The following APOL1 variants were observed in gnomAD, a reference collection of about 807,000 sequenced individuals.
APOL1 encodes the protein apolipoprotein L1.
Under a neutral mutation model 14.9 loss-of-function variants are expected in APOL1, and 17 were observed. That is an observed-to-expected ratio of 1.14 (90% CI 0.78 to 1.71). The LOEUF (loss-of-function observed/expected upper bound fraction) is 1.71. Among genes scored for constraint, APOL1 ranks in the 40% most tolerant of loss-of-function variants. APOL1 has a pLI of 0.00. For missense variants in APOL1, 523 were observed against 485.9 expected (o/e 1.08, Z -0.72); for synonymous variants, 195 against 184.8 (o/e 1.05, Z -0.45).
Position 36,257,313 on chromosome 22 carries a change from C to T in APOL1, c.99-6C>T. The T allele has an allele frequency of 6.2e-7, 1 of 1,614,036 alleles. No individual in the cohort carries two copies. On this transcript the variant is annotated splice_polypyrimidine_tract_variant and splice_region_variant and intron_variant, in intron 3 of 5. Transcript: ENST00000397278. Reference sequence around the variant, plus strand: ...TGATCCCACAATTTGTTTTCTCCTCCTCAAGGGTGCAACAAAACGTTCCAA... The same window carrying T: ...TGATCCCACAATTTGTTTTCTCCTCTTCAAGGGTGCAACAAAACGTTCCAA...
chr22:36,255,583 T>C (rs2015847080), intron 2 of APOL1, among the ~76,000 whole-genome samples: 1 of 149,668 alleles, frequency 6.7e-6, no homozygotes, highest in Admixed American at 6.7e-5. Context: ...CAAACATCTG[T>C]GTGTCTGAAC....
chr22:36,264,179 G>A (rs549893687), intron 5 of APOL1, among the ~76,000 whole-genome samples: 3 of 152,258 alleles, frequency 2.0e-5, no homozygotes, highest in East Asian at 1.9e-4. Context: ...GTATCTGCTG[G>A]GGCTGGATCA....
chr22:36,255,872 A>G (rs972183369), intron 2 of APOL1, among the ~76,000 whole-genome samples: 2 of 150,674 alleles, frequency 1.3e-5, no homozygotes, highest in Non-Finnish European at 3.0e-5. Flanking sequence ...ATTATTAGTC[A>G]TTTTCATCTT....
chr22:36,260,294 C>T (rs566150518), intron 4 of APOL1, among the ~76,000 whole-genome samples: 1 of 152,246 alleles, frequency 6.6e-6, no homozygotes, highest in East Asian at 1.9e-4. Flanking sequence ...ACTCAGGAGG[C>T]TGAGGCAGGA....
At chr22:36,257,490 A>G (rs974832396) in intron 4 of APOL1, 83 bp downstream of exon 4, 18 of 1,365,022 alleles carry the variant, frequency 1.3e-5, no homozygotes, top group Non-Finnish European at 1.9e-5. Flanking sequence ...TGAGCCCCAG[A>G]AGAACCCGGA....
At chr22:36,255,475 C>G (rs1419171577) in intron 2 of APOL1, among the ~76,000 whole-genome samples, 1 of 152,154 alleles carries the variant, frequency 6.6e-6, no homozygotes, top group Non-Finnish European at 1.5e-5. Flanking sequence ...TCCCTTACAG[C>G]AAGAAGGGCC....
chr22:36,253,708 G>C, intron 1 of APOL1: 1 of 550,904 alleles, frequency 1.8e-6, no homozygotes, highest in Non-Finnish European at 3.3e-6. Context: ...GCACCAACTT[G>C]TGCCAGGCCC....
At chr22:36,257,898 C>T (rs575859419) in intron 4 of APOL1, among the ~76,000 whole-genome samples, 3 of 152,196 alleles carry the variant, frequency 2.0e-5, no homozygotes, top group East Asian at 1.9e-4. Context: ...GGGAATGTAT[C>T]GGGCCTGATT....
chr22:36,265,377 T>C lies in APOL1; in HGVS notation c.541T>C (p.Ser181Pro). The part of the protein sequence containing the change: ...GTTIANVVSG[S>P]LSISSGILTL... ...CACCATCGCCAATGTGGTGTCTGGC[T>C]CTCTCAGCATTTCCTCTGGCATCCT... The change falls in exon 6 of 6, where the codon TCT becomes CCT. Residue 181 changes from serine to proline, a missense_variant. Ser to Pro is a moderately conservative substitution (Grantham distance 74, BLOSUM62 -1). Coordinates refer to ENST00000397278, the MANE Select transcript of APOL1 (RefSeq NM_003661.4). 3 of 1,612,874 alleles carry C rather than the reference T, an allele frequency of 1.9e-6. No homozygotes were observed. Among genetic ancestry groups the C allele is most frequent in the Non-Finnish European group, 2.5e-6 (3 of 1,179,244 alleles).
intron 2 of APOL1, 145 bp downstream of exon 2, chr22:36,255,144 C>T (rs891236057): frequency 7.6e-5 from 79 of 1,042,024 alleles, no homozygotes; most frequent in Admixed American, 2.4e-4. Context: ...CCGGCAGACT[C>T]GCCCAGGGAG....
In APOL1 at chr22:36,255,025, C is replaced by T. The variant is rs199758040; in HGVS notation, c.44+26C>T. The stretch of plus-strand genomic sequence containing the variant: ...GTGAGCTTGGCTCAGAGCCCTGAGG[C>T]GGGAGGGAGGGCTCCCTGTCTGGGC... On this transcript the variant is annotated intron_variant, in intron 2 of 5. Transcript: ENST00000397278. 1,354 of 1,588,888 alleles carry T rather than the reference C, an allele frequency of 8.5e-4. 13 individuals are homozygous for T. The highest frequency in any genetic ancestry group is 6.9e-3 in the African/African-American group (505 of 73,468).
At position 36,264,038 on chromosome 22, in the gene APOL1, A is replaced by G. The variant is rs561143918; in HGVS notation, c.315-1113A>G. On this transcript the variant is annotated intron_variant, in intron 5 of 5. Coordinates refer to ENST00000397278, the MANE Select transcript of APOL1 (RefSeq NM_003661.4). ...AGATTCTTGCTGAGCTGGGTGGTGC[A>G]GGTCCAGCAAGCAGTGGGTGGCTGT... 4.6e-5 allele frequency among the ~76,000 whole-genome samples: 7 copies of G among 152,302 alleles called. No individual in the cohort carries two copies. The South Asian group carries it at 1.4e-3, about 32-fold the overall frequency.
In APOL1 at chr22:36,257,089, T is replaced by G. The variant is rs146915099; in HGVS notation, c.51T>G (p.Ser17Arg). 5 of 1,613,964 alleles carry G rather than the reference T, an allele frequency of 3.1e-6. No homozygotes were observed. Residue 17 changes from serine (S) to arginine (R), a missense_variant, in exon 3 of 6, where the codon AGT becomes AGG. Ser to Arg is a moderately radical substitution (Grantham distance 110, BLOSUM62 -1). Transcript: ENST00000397278. Reference sequence around the variant, plus strand: ...TCTCCTCATACCCCAACAGGATGAGTGCACTTTTCCTTGGTGTGGGAGTGA... The same window carrying G: ...TCTCCTCATACCCCAACAGGATGAGGGCACTTTTCCTTGGTGTGGGAGTGA... ...LRVSVLCIWM[S>R]ALFLGVGVRA...
At chr22:36,259,484 C>T (rs537655246) in intron 4 of APOL1, among the ~76,000 whole-genome samples, 2 of 152,208 alleles carry the variant, frequency 1.3e-5, no homozygotes, top group Non-Finnish European at 2.9e-5. Context: ...CAAGTCAGCT[C>T]TGCTCAGGAG....
In APOL1 at chr22:36,266,209, G is replaced by A. The variant is rs2016257086; in HGVS notation, c.*176G>A. ...GTGTTCAAGCGATTCTCCTGCCTTG[G>A]CCTCCCAAGTAGCTGGGACTACAGG... On this transcript the variant is annotated 3_prime_UTR_variant, in exon 6 of 6. Transcript: ENST00000397278. The A allele has an allele frequency of 1.5e-6, 1 of 671,194 alleles. No individual in the cohort carries two copies. The highest frequency in any genetic ancestry group is 2.4e-6 in the Non-Finnish European group (1 of 419,356). The allele number at this position is 671,194 out of a possible 1,614,324, so 41.6% of individuals were successfully genotyped here.
In APOL1 at chr22:36,266,494, G is replaced by T. The variant is rs192517180; in HGVS notation, c.*461G>T. 6.0e-4 allele frequency: 241 copies of T among 401,978 alleles called. No homozygotes were observed. Among genetic ancestry groups the T allele is most frequent in the African/African-American group, 4.7e-3 (229 of 48,776 alleles). The allele number at this position is 401,978 out of a possible 1,614,324, so 24.9% of individuals were successfully genotyped here. A position where few individuals can be genotyped will look rare whatever the true frequency, so the allele number is the denominator to read the frequency against. On this transcript the variant is annotated 3_prime_UTR_variant, in exon 6 of 6. Transcript: ENST00000397278. The stretch of plus-strand genomic sequence containing the variant: ...CATAGCTGAGCACAGCAGGGGAGGG[G>T]TTAATGCAGATGGCAGTGCAGCAAG...
At chr22:36,261,785 C>T (rs1027527160) in intron 5 of APOL1, 63 bp downstream of exon 5, 2 of 1,556,412 alleles carry the variant, frequency 1.3e-6, no homozygotes, top group African/African-American at 1.4e-5. Flanking sequence ...CTCCCCTGGG[C>T]TAGTTTTCCC....
chr22:36,257,638 C>G (rs2015929853), intron 4 of APOL1: 3 of 531,202 alleles, frequency 5.6e-6, no homozygotes, highest in Middle Eastern at 5.2e-4. Flanking sequence ...TCCTCCCTAC[C>G]CTGGCACCTA....
chr22:36,254,988 C>A lies in APOL1; in HGVS notation c.33C>A (p.Val11=). The part of the protein sequence containing the change: MEGAALLRVS[V]LCIWMSALFL... ...GAGCTGCTTTGCTGAGAGTCTCTGT[C>A]CTCTGCATCTGGTGAGCTTGGCTCA... is the stretch of plus-strand genomic sequence containing the variant. The change falls in exon 2 of 6, where the codon GTC becomes GTA. Residue 11 remains valine (V), a synonymous_variant. Coordinates refer to ENST00000397278, the MANE Select transcript of APOL1 (RefSeq NM_003661.4). 1 of 1,613,928 alleles carries A rather than the reference C, an allele frequency of 6.2e-7. No individual in the cohort carries two copies. The highest frequency in any genetic ancestry group is 8.5e-7 in the Non-Finnish European group (1 of 1,179,760).
Sources: gnomAD v4.1 joint callset for allele counts (sites outside exome capture counted in the v4.1 genomes callset) on GRCh38, gnomAD v4.1.1 for gene constraint, MANE v1.5 for transcripts, NCBI Gene and HGNC (gene_info 2026-07-23, HGNC 2026-07-21) for gene names.